VLDLR: variants seen among roughly 807,000 people sequenced by gnomAD.
The protein encoded by VLDLR is very low density lipoprotein receptor, also known as very low-density lipoprotein receptor.
VLDLR carries 81 observed loss-of-function variants against 112.7 expected under a neutral mutation model. The observed-to-expected ratio is 0.72, with a 90% CI of 0.60 to 0.86. The LOEUF (loss-of-function observed/expected upper bound fraction) is 0.86. Ranked by LOEUF, VLDLR falls within the 40% of genes least tolerant of loss-of-function variation. The pLI is 0.00. For synonymous variants in VLDLR, 436 were observed against 384.8 expected, an observed-to-expected ratio of 1.13 and a Z score of -1.56; for missense variants, 1,237 against 1,099.4, an observed-to-expected ratio of 1.13 and a Z score of -1.77.
Position 2,645,213 on chromosome 9 carries a change from T to TA in VLDLR, c.1312+132dup, listed in dbSNP as rs1818015255. On this transcript the variant is annotated intron_variant, in intron 9 of 18. Transcript: ENST00000382100. ...GAGAACAATGCTGCTAACCTCATAA[T>TA]ACAGCAGTATAGGTCAAATAGCAGA... The TA allele has an allele frequency of 3.0e-6, 4 of 1,335,260 alleles. No individual in the cohort carries two copies. In the South Asian group the frequency reaches 4.8e-5, roughly 16 times the overall value. The allele number at this position is 1,335,260 out of a possible 1,614,324, so 82.7% of individuals were successfully genotyped here.
intron 16 of VLDLR, 111 bp downstream of exon 16, chr9:2,651,609 TA>T: frequency 9.7e-7 from 1 of 1,029,914 alleles, no homozygotes; most frequent in Non-Finnish European, 1.5e-6. Flanking sequence ...CCCCAATTGG[TA>T]ACCTATATTT....
Position 2,643,961 on chromosome 9 carries a change from TA to T in VLDLR, c.1066+4del. ...GTGATGAGCCCCTGAAAGAGTGTCG[TA>T]AGTGTACTTGTTGTTCAAGTACAGA... On this transcript the variant is annotated splice_donor_region_variant and intron_variant, in intron 7 of 18. Coordinates refer to ENST00000382100, the MANE Select transcript of VLDLR (RefSeq NM_003383.5). 6.2e-7 allele frequency: 1 copy of T among 1,613,810 alleles called. No homozygotes were observed. Among genetic ancestry groups the T allele is most frequent in the Non-Finnish European group, 8.5e-7 (1 of 1,179,938 alleles).
At chr9:2,627,111 A>C (rs1453628086) in intron 1 of VLDLR, among the ~76,000 whole-genome samples, 1 of 152,216 alleles carries the variant, frequency 6.6e-6, no homozygotes, top group Non-Finnish European at 1.5e-5. Context: ...GAATCAAAGC[A>C]GGAAACAGCC....
At chr9:2,637,268 T>G (rs1817633874) in intron 2 of VLDLR, among the ~76,000 whole-genome samples, 1 of 152,232 alleles carries the variant, frequency 6.6e-6, no homozygotes, top group Non-Finnish European at 1.5e-5. Context: ...CCTCTTAATA[T>G]GGAACTTGGT....
chr9:2,654,784 A>G lies in VLDLR; in HGVS notation c.*916A>G, dbSNP rs1818531365. On this transcript the variant is annotated 3_prime_UTR_variant, in exon 19 of 19. Coordinates refer to ENST00000382100, the MANE Select transcript of VLDLR (RefSeq NM_003383.5). ...TCGAGAAACACGTGCTAAGATTTCTATGAATTCTGCTTCTTTATAGTTAAG... is the reference window on the plus strand; with the variant it reads ...TCGAGAAACACGTGCTAAGATTTCTGTGAATTCTGCTTCTTTATAGTTAAG... 6.6e-6 allele frequency: 1 copy of G among 152,150 alleles called. No individual in the cohort carries two copies. Among genetic ancestry groups the G allele is most frequent in the Non-Finnish European group, 1.5e-5 (1 of 68,024 alleles). The allele number at this position is 152,150 out of a possible 1,614,324, so 9.4% of individuals were successfully genotyped here. A position where few individuals can be genotyped will look rare whatever the true frequency, so the allele number is the denominator to read the frequency against.
Position 2,650,488 on chromosome 9 carries a change from T to C in VLDLR, c.2223T>C (p.Asn741=), listed in dbSNP as rs374758758. The change falls in exon 15 of 19, where the codon AAT becomes AAC. Residue 741 remains asparagine, a synonymous_variant. Coordinates refer to ENST00000382100, the MANE Select transcript of VLDLR (RefSeq NM_003383.5). ...KYTCSCPSGY[N]VEENGRDCQS... ...CCTGTTCCTGTCCCAGTGGGTACAATGTAGAGGAAAATGGCCGAGACTGTC... is the reference window on the plus strand; with the variant it reads ...CCTGTTCCTGTCCCAGTGGGTACAACGTAGAGGAAAATGGCCGAGACTGTC... 9 of 1,613,988 alleles carry C rather than the reference T, an allele frequency of 5.6e-6. No individual in the cohort carries two copies. Among genetic ancestry groups the C allele is most frequent in the Non-Finnish European group, 7.6e-6 (9 of 1,180,004 alleles).
intron 11 of VLDLR, 72 bp from the exon 12 acceptor site, chr9:2,647,400 ATT>A: frequency 7.6e-7 from 1 of 1,313,974 alleles, no homozygotes; most frequent in Admixed American, 1.7e-5. Context: ...CAAATTTTAA[ATT>A]TTTGTTTCCA....
intron 1 of VLDLR, among the ~76,000 whole-genome samples, chr9:2,622,800 G>T (rs1341215409): frequency 6.6e-6 from 1 of 152,120 alleles, no homozygotes; most frequent in Non-Finnish European, 1.5e-5. Context: ...GCGAGCTGGC[G>T]CACGTTCGGT....
Position 2,648,331 on chromosome 9 carries a change from C to A in VLDLR, c.1946C>A (p.Ala649Glu), listed in dbSNP as rs748983591. The A allele has an allele frequency of 1.2e-6, 2 of 1,614,036 alleles. No homozygotes were observed. The highest frequency in any genetic ancestry group is 1.7e-6 in the Non-Finnish European group (2 of 1,180,026). The change falls in exon 13 of 19, where the codon GCA becomes GAA. Residue 649 changes from alanine to glutamate, a missense_variant. Coordinates refer to ENST00000382100, the MANE Select transcript of VLDLR (RefSeq NM_003383.5). Reference protein sequence around the residue: ...KSLEFLAHPLALTIFEDRVYW... With the variant: ...KSLEFLAHPLELTIFEDRVYW... Reference sequence around the variant, plus strand: ...CTGGAGTTCCTAGCTCATCCTCTTGCACTAACAATATTTGAGGTAAGATGT... The same window carrying A: ...CTGGAGTTCCTAGCTCATCCTCTTGAACTAACAATATTTGAGGTAAGATGT...
intron 5 of VLDLR, 42 bp downstream of exon 5, chr9:2,643,573 G>A: frequency 6.2e-7 from 1 of 1,614,170 alleles, no homozygotes; most frequent in Non-Finnish European, 8.5e-7. Context: ...TCTCTTCCCT[G>A]TATCAACTGG....
In VLDLR at chr9:2,652,847, A is replaced by C. The variant is rs1818414539; in HGVS notation, c.2484A>C (p.Lys828Asn). The change falls in exon 18 of 19, where the codon AAA becomes AAC. Residue 828 changes from lysine to asparagine, a missense_variant. Transcript: ENST00000382100. Reference sequence around the variant, plus strand: ...GGAATTGGCAACACAAGAACATGAAAAGCATGAACTTTGACAATCCTGTGT... The same window carrying C: ...GGAATTGGCAACACAAGAACATGAACAGCATGAACTTTGACAATCCTGTGT... ...MWRNWQHKNM[K>N]SMNFDNPVYL... is the part of the protein sequence containing the mutation. The C allele has an allele frequency of 6.2e-7, 1 of 1,614,010 alleles. No homozygotes were observed. The highest frequency in any genetic ancestry group is 1.3e-5 in the African/African-American group (1 of 74,898).
At chr9:2,652,220 C>T (rs572966029) in intron 17 of VLDLR, among the ~76,000 whole-genome samples, 10 of 152,134 alleles carry the variant, frequency 6.6e-5, no homozygotes, top group Non-Finnish European at 1.3e-4. Flanking sequence ...CTGGCTTATC[C>T]CCTTTTATAA....
chr9:2,633,051 A>AGTGTGTGT (rs71329439), intron 1 of VLDLR, among the ~76,000 whole-genome samples: 191 of 115,450 alleles, frequency 1.7e-3, no homozygotes, highest in East Asian at 4.6e-3. Context: ...AGAGAGAGAG[A>AGTGTGTGT]GTGTGTGTGT....
chr9:2,627,497 A>G (rs1251720851), intron 1 of VLDLR, among the ~76,000 whole-genome samples: 1 of 152,164 alleles, frequency 6.6e-6, no homozygotes, highest in Non-Finnish European at 1.5e-5. Context: ...ATGGAAATGA[A>G]GCCAACACAC....
intron 1 of VLDLR, among the ~76,000 whole-genome samples, chr9:2,633,653 T>C (rs1817467516): frequency 6.6e-6 from 1 of 152,218 alleles, no homozygotes; most frequent in African/African-American, 2.4e-5. Flanking sequence ...TTACTGTATC[T>C]TAACTCCAAC....
chr9:2,645,425 G>T, intron 9 of VLDLR, 149 bp from the exon 10 acceptor site: 3 of 1,006,502 alleles, frequency 3.0e-6, no homozygotes, highest in Non-Finnish European at 4.6e-6. Context: ...GCACTTGCAG[G>T]TCCCAGGGGC....
At chr9:2,647,359 T>A (rs2130799609) in intron 11 of VLDLR, 115 bp from the exon 12 acceptor site, 1 of 803,260 alleles carries the variant, frequency 1.2e-6, no homozygotes, top group East Asian at 2.5e-5. Context: ...TGTTACTATT[T>A]GTCACTAGAG....
Position 2,653,968 on chromosome 9 carries a change from C to A in VLDLR, c.*100C>A. On this transcript the variant is annotated 3_prime_UTR_variant, in exon 19 of 19. Transcript: ENST00000382100. ...TGAAGTCTCTTTTTCTTCCTCTCGG[C>A]TGGAAGAACATCAAGATACCTTTGC... 2 of 1,247,180 alleles carry A rather than the reference C, an allele frequency of 1.6e-6. No individual in the cohort carries two copies. Among genetic ancestry groups the A allele is most frequent in the Non-Finnish European group, 1.2e-6 (1 of 849,336 alleles). 77.3% of individuals were successfully genotyped at this position (1,247,180 alleles called of 1,614,324 possible).
Position 2,651,278 on chromosome 9 carries a change from G to C in VLDLR, c.2252-137G>C, listed in dbSNP as rs985745602. 53 of 696,096 alleles carry C rather than the reference G, an allele frequency of 7.6e-5. No homozygotes were observed. The African/African-American group carries it at 7.7e-4, about 10-fold the overall frequency. The allele number at this position is 696,096 out of a possible 1,614,324, so 43.1% of individuals were successfully genotyped here. ...TTGCTATTTCAATGTTGACACATCA[G>C]CTGTACAACTTAGTTCAGCAGTGGT... On this transcript the variant is annotated intron_variant, in intron 15 of 18. Transcript: ENST00000382100.
Sources: allele counts gnomAD v4.1 joint callset (sites outside exome capture counted in the v4.1 genomes callset), GRCh38; gene constraint gnomAD v4.1.1; transcripts MANE v1.5; gene names NCBI Gene and HGNC (gene_info 2026-07-23, HGNC 2026-07-21).